SEH1L: variants seen among roughly 807,000 people sequenced by gnomAD.
SEH1L encodes nucleoporin SEH1.
Under a neutral mutation model 49.5 loss-of-function variants are expected in SEH1L, and 18 were observed. The ratio of observed to expected loss-of-function variants is 0.36; its 90% confidence interval spans 0.25 to 0.54. The LOEUF (loss-of-function observed/expected upper bound fraction) is 0.54, where lower values mean the gene tolerates loss of function less well. SEH1L is among the 20% of genes least tolerant of loss of function. SEH1L has a pLI of 0.87. For synonymous variants in SEH1L, 169 were observed against 178.1 expected (o/e 0.95, Z 0.41); for missense variants, 404 against 528.8 (o/e 0.76, Z 2.31).
Position 12,971,201 on chromosome 18 carries a change from C to T in SEH1L, c.570C>T (p.Ser190=), listed in dbSNP as rs771000556. The part of the protein sequence containing the change: ...PMIAVGSDDS[S]PNAMAKVQIF... ...TCGCCGTAGGAAGTGATGACAGTAG[C>T]CCCAACGCAATGGCCAAGGTTCAGA... Residue 190 remains serine (S), a synonymous_variant, in exon 5 of 9, where the codon AGC becomes AGT. Transcript: ENST00000399892. 1.5e-5 allele frequency: 24 copies of T among 1,613,914 alleles called. No homozygotes were observed. The highest frequency in any genetic ancestry group is 1.9e-5 in the Non-Finnish European group (23 of 1,179,818).
intron 4 of SEH1L, among the ~76,000 whole-genome samples, chr18:12,970,266 T>C (rs1326209442): frequency 6.6e-6 from 1 of 152,164 alleles, no homozygotes; most frequent in African/African-American, 2.4e-5. Context: ...TCATTCAGCT[T>C]ATAGTTCAGG....
rs770729524 is a variant in SEH1L at position 12,948,101 on chromosome 18, G to A, written c.-21G>A. On this transcript the variant is annotated 5_prime_UTR_variant, in exon 1 of 9. Transcript: ENST00000399892. ...TGCCGCCGCCACTGTCCTCTTCGGA[G>A]GCGCGGGCCCGACGGAAACCATGTT... is the stretch of plus-strand genomic sequence containing the variant. 12 of 1,596,650 alleles carry A rather than the reference G, an allele frequency of 7.5e-6. No individual in the cohort carries two copies. The highest frequency in any genetic ancestry group is 1.0e-5 in the Non-Finnish European group (12 of 1,167,702).
chr18:12,984,650 T>C (rs2032395845), intron 8 of SEH1L: 1 of 154,630 alleles, frequency 6.5e-6, no homozygotes, highest in African/African-American at 2.4e-5. Flanking sequence ...TTTAAAACTT[T>C]AATAGAAATA....
chr18:12,980,539 C>T (rs1481828809), intron 6 of SEH1L, among the ~76,000 whole-genome samples: 7 of 107,048 alleles, frequency 6.5e-5, no homozygotes, highest in African/African-American at 1.1e-4. Context: ...ACCTCCCTCC[C>T]GGACGGGGCG....
intron 8 of SEH1L, chr18:12,985,456 T>C (rs1331101107): frequency 1.6e-6 from 2 of 1,280,090 alleles, no homozygotes; most frequent in African/African-American, 3.1e-5. Context: ...TTGACACTAT[T>C]TGAAACTTTT....
chr18:12,953,390 C>T (rs2030664101), intron 2 of SEH1L, among the ~76,000 whole-genome samples: 1 of 152,194 alleles, frequency 6.6e-6, no homozygotes, highest in South Asian at 2.1e-4. Flanking sequence ...AATTGATGGG[C>T]TATATGCACT....
At chr18:12,963,465 C>G in intron 4 of SEH1L, 94 bp downstream of exon 4, 1 of 1,005,596 alleles carries the variant, frequency 9.9e-7, no homozygotes, top group Non-Finnish European at 1.5e-6. Context: ...CTCAAAGGTG[C>G]TTCTTCTCAA....
chr18:12,966,792 A>C (rs2031472354), intron 4 of SEH1L, among the ~76,000 whole-genome samples: 1 of 152,152 alleles, frequency 6.6e-6, no homozygotes, highest in Non-Finnish European at 1.5e-5. Context: ...ATTTCTTTTT[A>C]TTCTCTTGTC....
chr18:12,983,981 T>C, intron 7 of SEH1L, 59 bp from the exon 8 acceptor site: 2 of 1,388,652 alleles, frequency 1.4e-6, no homozygotes, highest in Non-Finnish European at 2.0e-6. Flanking sequence ...TGGGTACAGA[T>C]TTGTGCCCTT....
At position 12,948,013 on chromosome 18, in the gene SEH1L, C is replaced by T; in HGVS notation, c.-109C>T. The T allele has an allele frequency of 1.4e-6, 1 of 740,488 alleles. No homozygotes were observed. The highest frequency in any genetic ancestry group is 2.2e-6 in the Non-Finnish European group (1 of 453,382). The allele number at this position is 740,488 out of a possible 1,614,324, so 45.9% of individuals were successfully genotyped here. The stretch of plus-strand genomic sequence containing the variant: ...AGGGGCGGTGCGGGGGCGTGGGCAG[C>T]ACAAGCCGTGCGCTCCCGGGCTGCG... On this transcript the variant is annotated 5_prime_UTR_variant, in exon 1 of 9. Coordinates refer to ENST00000399892, the MANE Select transcript of SEH1L (RefSeq NM_001013437.2).
At chr18:12,948,539 C>T in intron 1 of SEH1L, 1 of 239,986 alleles carries the variant, frequency 4.2e-6, no homozygotes, top group Non-Finnish European at 8.0e-6. Flanking sequence ...CCAGGGGCAT[C>T]CCACCGTCAG....
intron 4 of SEH1L, among the ~76,000 whole-genome samples, chr18:12,965,216 A>G (rs1401344856): frequency 3.3e-5 from 5 of 151,700 alleles, no homozygotes; most frequent in Admixed American, 2.0e-4. Context: ...GTTTCACCGT[A>G]TTAGCCAGGA....
rs369214184 is a variant in SEH1L at position 12,986,853 on chromosome 18, T to A, written c.1071-9T>A. On this transcript the variant is annotated splice_polypyrimidine_tract_variant and intron_variant, in intron 8 of 8. Coordinates refer to ENST00000399892, the MANE Select transcript of SEH1L (RefSeq NM_001013437.2). Reference sequence around the variant, plus strand: ...GTTTGGTGTTTTGTTCCTGTCTTCATTGTTTCAGGTATTTCTTTACCCCTC... The same window carrying A: ...GTTTGGTGTTTTGTTCCTGTCTTCAATGTTTCAGGTATTTCTTTACCCCTC... 1 of 1,491,186 alleles carries A rather than the reference T, an allele frequency of 6.7e-7. No individual in the cohort carries two copies. Among genetic ancestry groups the A allele is most frequent in the Admixed American group, 2.3e-5 (1 of 43,684 alleles). 92.4% of individuals were successfully genotyped at this position (1,491,186 alleles called of 1,614,324 possible).
At chr18:12,985,999 G>A in intron 8 of SEH1L, 2 of 905,070 alleles carry the variant, frequency 2.2e-6, no homozygotes, top group Non-Finnish European at 2.6e-6. Context: ...ATATACATTT[G>A]TGTATTTTTA....
At chr18:12,982,760 TG>T (rs1318335344) in intron 7 of SEH1L, 85 bp downstream of exon 7, 2 of 1,120,968 alleles carry the variant, frequency 1.8e-6, no homozygotes, top group East Asian at 4.9e-5. Flanking sequence ...AAATATTTTT[TG>T]AAAATGGTCT....
intron 4 of SEH1L, among the ~76,000 whole-genome samples, chr18:12,965,172 C>T (rs1457051205): frequency 6.6e-6 from 1 of 151,900 alleles, no homozygotes; most frequent in Admixed American, 6.6e-5. Context: ...GCCACCACGC[C>T]TGGCTAATTT....
chr18:12,957,551 A>T (rs912135981), intron 3 of SEH1L, among the ~76,000 whole-genome samples: 1 of 152,264 alleles, frequency 6.6e-6, no homozygotes, highest in African/African-American at 2.4e-5. Context: ...TTCCTCATCT[A>T]TAAAGTGAAA....
At position 12,987,468 on chromosome 18, in the gene SEH1L, A is replaced by G. The variant is rs971024700; in HGVS notation, c.*411A>G. 2.6e-5 allele frequency: 4 copies of G among 152,846 alleles called. No individual in the cohort carries two copies. The highest frequency in any genetic ancestry group is 9.7e-5 in the African/African-American group (4 of 41,428). 9.5% of individuals were successfully genotyped at this position (152,846 alleles called of 1,614,324 possible). ...GACCTTAAAAAATGGATTTCATTTT[A>G]CAGGCTAATGTTGTAACTGACTAGT... On this transcript the variant is annotated 3_prime_UTR_variant, in exon 9 of 9. Coordinates refer to ENST00000399892, the MANE Select transcript of SEH1L (RefSeq NM_001013437.2).
intron 6 of SEH1L, among the ~76,000 whole-genome samples, chr18:12,979,678 G>T (rs1261624435): frequency 2.0e-5 from 3 of 150,602 alleles, no homozygotes; most frequent in Non-Finnish European, 3.0e-5. Flanking sequence ...CCCGGACGGG[G>T]TGGCTGGCTG....
Sources: allele counts gnomAD v4.1 joint callset (sites outside exome capture counted in the v4.1 genomes callset), GRCh38; gene constraint gnomAD v4.1.1; transcripts MANE v1.5; gene names NCBI Gene and HGNC (gene_info 2026-07-23, HGNC 2026-07-21).